The following WNK1 variants were observed in gnomAD, a reference collection of about 807,000 sequenced individuals.
The protein encoded by WNK1 is serine/threonine-protein kinase WNK1.
WNK1 carries 38 observed loss-of-function variants against 222.8 expected under a neutral mutation model. The ratio of observed to expected loss-of-function variants is 0.17; its 90% CI spans 0.13 to 0.22. WNK1 has a LOEUF of 0.22. Among genes scored for constraint, WNK1 ranks in the 10% least tolerant of loss-of-function variants. WNK1 has a pLI of 1.00. For missense variants in WNK1, 2,348 were observed against 2,918.4 expected (o/e 0.80, Z 4.50); for synonymous variants, 1,090 against 1,092.9 (o/e 1.00, Z 0.05).
intron 21 of WNK1, among the ~76,000 whole-genome samples, chr12:889,900 T>A (rs553965026): frequency 6.6e-6 from 1 of 151,894 alleles, no homozygotes; most frequent in South Asian, 2.1e-4. Flanking sequence ...TGAGAAAAAT[T>A]AAGAAAGCAA....
At chr12:773,029 C>T (rs919977452) in intron 1 of WNK1, among the ~76,000 whole-genome samples, 4 of 152,078 alleles carry the variant, frequency 2.6e-5, no homozygotes, top group South Asian at 2.1e-4. Flanking sequence ...GAGGCCAAGG[C>T]GGGCAGATCA....
At chr12:810,582 T>C (rs1259991463) in intron 1 of WNK1, among the ~76,000 whole-genome samples, 1 of 150,666 alleles carries the variant, frequency 6.6e-6, no homozygotes, top group Non-Finnish European at 1.5e-5. Flanking sequence ...GCACAATTGG[T>C]TTGGAAGGTT....
chr12:781,290 A>G (rs927817505), intron 1 of WNK1: 1 of 153,152 alleles, frequency 6.5e-6, no homozygotes, highest in Non-Finnish European at 1.5e-5. Flanking sequence ...GGGGGAAAAT[A>G]CTGTTTACTG....
intron 12 of WNK1, chr12:881,473 C>T (rs1953154095): frequency 1.7e-6 from 1 of 577,108 alleles, no homozygotes; most frequent in East Asian, 3.1e-5. Flanking sequence ...TGTTGGCTGA[C>T]CTCATACCAT....
At chr12:835,318 A>G (rs1301747879) in intron 4 of WNK1, among the ~76,000 whole-genome samples, 2 of 152,136 alleles carry the variant, frequency 1.3e-5, no homozygotes, top group South Asian at 2.1e-4. Flanking sequence ...AGCCTGGACA[A>G]TAGAGTGAAA....
chr12:806,115 T>C (rs1378097616), intron 1 of WNK1, among the ~76,000 whole-genome samples: 1 of 152,210 alleles, frequency 6.6e-6, no homozygotes, highest in Non-Finnish European at 1.5e-5. Flanking sequence ...TGTGTAATTA[T>C]TTTCAGTTTT....
intron 4 of WNK1, among the ~76,000 whole-genome samples, chr12:830,824 A>G (rs547086881): frequency 1.1e-4 from 17 of 152,326 alleles, no homozygotes; most frequent in South Asian, 4.1e-4. Context: ...GCATCATCCA[A>G]TACCCTGAAC....
chr12:907,938 A>T lies in WNK1; in HGVS notation c.6735A>T (p.Thr2245=). The change falls in exon 27 of 28, where the codon ACA becomes ACT. Residue 2245 remains threonine (T), a synonymous_variant. Transcript: ENST00000315939. ...CCATGACGTCCAGCAGGAAGGGCACATTCACAGATGACTTGCACAAGTTGG... is the reference window on the plus strand; with the variant it reads ...CCATGACGTCCAGCAGGAAGGGCACTTTCACAGATGACTTGCACAAGTTGG... The part of the protein sequence containing the change: ...PPAMTSSRKG[T]FTDDLHKLVD... 6.2e-7 allele frequency: 1 copy of T among 1,614,230 alleles called. No individual in the cohort carries two copies. The highest frequency in any genetic ancestry group is 8.5e-7 in the Non-Finnish European group (1 of 1,180,048).
At chr12:854,115 C>G (rs1408608318) in intron 4 of WNK1, among the ~76,000 whole-genome samples, 1 of 151,816 alleles carries the variant, frequency 6.6e-6, no homozygotes, top group Non-Finnish European at 1.5e-5. Context: ...TGCCAGTAAT[C>G]CCAGCACTTT....
chr12:903,299 G>A (rs909120034), intron 26 of WNK1, among the ~76,000 whole-genome samples: 4 of 152,134 alleles, frequency 2.6e-5, no homozygotes, highest in Non-Finnish European at 2.9e-5. Context: ...TACCCAATTC[G>A]ATCGTTTTCC....
chr12:889,032 T>C (rs1057398593), intron 20 of WNK1, 108 bp from the exon 21 acceptor site: 7 of 858,428 alleles, frequency 8.2e-6, no homozygotes, highest in East Asian at 2.4e-5. Context: ...ACAAATGTTA[T>C]GTTGTGCCAA....
At chr12:767,441 C>T (rs1370877355) in intron 1 of WNK1, among the ~76,000 whole-genome samples, 1 of 151,440 alleles carries the variant, frequency 6.6e-6, no homozygotes, top group Non-Finnish European at 1.5e-5. Flanking sequence ...TTAGTAGAGA[C>T]GGGGTTTCAC....
rs955533673 is a variant in WNK1, at chr12:911,309, G to C, written c.*2517G>C. 2.8e-5 allele frequency: 11 copies of C among 398,430 alleles called. No individual in the cohort carries two copies. The highest frequency in any genetic ancestry group is 4.9e-5 in the Non-Finnish European group (11 of 226,070). The allele number at this position is 398,430 out of a possible 1,614,324, so 24.7% of individuals were successfully genotyped here. A position where few individuals can be genotyped will look rare whatever the true frequency, so the allele number is the denominator to read the frequency against. On this transcript the variant is annotated 3_prime_UTR_variant, in exon 28 of 28. Transcript: ENST00000315939. ...AAAAATAAAAATTCAAACTTTGGGG[G>C]TTTCTCAGCAGCCGTTAATTGTACA...
intron 9 of WNK1, among the ~76,000 whole-genome samples, chr12:874,200 C>G (rs1255254814): frequency 6.6e-6 from 1 of 151,940 alleles, no homozygotes; most frequent in Non-Finnish European, 1.5e-5. Flanking sequence ...CCCTACTATC[C>G]ATAAAGTCTG....
chr12:791,588 T>TA (rs1944849880), intron 1 of WNK1, among the ~76,000 whole-genome samples: 1 of 152,002 alleles, frequency 6.6e-6, no homozygotes, highest in Non-Finnish European at 1.5e-5. Flanking sequence ...CATTTCCTAT[T>TA]ACATTTTATA....
chr12:908,150 T>C (rs544282090), intron 27 of WNK1, 116 bp downstream of exon 27: 6 of 1,342,118 alleles, frequency 4.5e-6, no homozygotes, highest in Admixed American at 2.0e-5. Flanking sequence ...TTTAATACTT[T>C]AGAAAAACAA....
intron 21 of WNK1, among the ~76,000 whole-genome samples, chr12:890,077 C>T (rs1035582257): frequency 1.3e-4 from 19 of 151,652 alleles, no homozygotes; most frequent in African/African-American, 2.4e-4. Context: ...CTCAGCCTCC[C>T]GAGTAGCTGG....
chr12:755,015 A>G (rs1939785067), intron 1 of WNK1, among the ~76,000 whole-genome samples: 1 of 149,002 alleles, frequency 6.7e-6, no homozygotes, highest in Non-Finnish European at 1.5e-5. Context: ...TGTCATCATC[A>G]TTGTTTTAAT....
chr12:861,433 T>C, intron 7 of WNK1, 90 bp downstream of exon 7: 1 of 1,228,200 alleles, frequency 8.1e-7, no homozygotes, highest in Admixed American at 1.9e-5. Flanking sequence ...CTTTTTGGTT[T>C]TGAATTATGA....
Sources: gnomAD v4.1 joint callset for allele counts (sites outside exome capture counted in the v4.1 genomes callset) on GRCh38, gnomAD v4.1.1 for gene constraint, MANE v1.5 for transcripts, NCBI Gene and HGNC (gene_info 2026-07-23, HGNC 2026-07-21) for gene names.